ADGRL3: variants seen among roughly 807,000 people sequenced by gnomAD.
ADGRL3 encodes the protein calcium-independent alpha-latrotoxin receptor 3.
A neutral mutation model predicts 153.5 loss-of-function variants in ADGRL3; 62 were observed. The observed-to-expected ratio is 0.40, with a 90% CI of 0.33 to 0.50. The LOEUF (loss-of-function observed/expected upper bound fraction) is 0.50. ADGRL3 is among the 20% of genes least tolerant of loss of function. ADGRL3 has a pLI of 0.47. For synonymous variants in ADGRL3, 710 were observed against 672.5 expected (o/e 1.06, Z -0.86); for missense variants, 1,641 against 1,859.4 (o/e 0.88, Z 2.16).
chr4:61,581,756 C>T (rs963606864), intron 4 of ADGRL3, among the ~76,000 whole-genome samples: 15 of 152,160 alleles, frequency 9.9e-5, no homozygotes, highest in African/African-American at 3.6e-4. Flanking sequence ...TAAAATCTAA[C>T]CATTTGCTTA....
intron 11 of ADGRL3, among the ~76,000 whole-genome samples, chr4:61,903,592 G>A (rs572995540): frequency 1.5e-5 from 2 of 135,294 alleles, no homozygotes; most frequent in East Asian, 4.8e-4. Context: ...CTTGAGGCCA[G>A]GAGTTCAAGG....
At chr4:61,379,412 A>C in intron 1 of ADGRL3, among the ~76,000 whole-genome samples, 1 of 152,040 alleles carries the variant, frequency 6.6e-6, no homozygotes, top group East Asian at 1.9e-4. Flanking sequence ...CCTAATATGT[A>C]ACTGTCTAGT....
intron 8 of ADGRL3, among the ~76,000 whole-genome samples, chr4:61,757,947 A>G (rs142145356): frequency 0.011 from 1,640 of 152,252 alleles, 38 homozygotes; most frequent in African/African-American, 0.037. Flanking sequence ...GAGTTTCTTA[A>G]TCCTGAGTTC....
chr4:61,725,500 C>T (rs899935582), intron 6 of ADGRL3, among the ~76,000 whole-genome samples: 3 of 150,306 alleles, frequency 2.0e-5, no homozygotes, highest in Admixed American at 6.7e-5. Flanking sequence ...GAGGCTGAGG[C>T]AGGAGAATGG....
intron 25 of ADGRL3, among the ~76,000 whole-genome samples, chr4:62,048,591 C>T (rs778309179): frequency 2.1e-4 from 32 of 152,122 alleles, no homozygotes; most frequent in Non-Finnish European, 3.2e-4. Flanking sequence ...GGGTCTCCCT[C>T]TGTCACCCTG....
chr4:61,690,390 A>G (rs543512902), intron 6 of ADGRL3, among the ~76,000 whole-genome samples: 74 of 152,134 alleles, frequency 4.9e-4, no homozygotes, highest in Non-Finnish European at 9.6e-4. Context: ...TTGCAGTGTC[A>G]TACCACTGCA....
chr4:61,340,154 A>ATT (rs2095776593), intron 1 of ADGRL3, among the ~76,000 whole-genome samples: 1 of 152,174 alleles, frequency 6.6e-6, no homozygotes, highest in Non-Finnish European at 1.5e-5. Context: ...TAGACAGGAC[A>ATT]TGCATCAGAG....
At chr4:62,023,042 TTGAAAAC>T (rs1231099175) in intron 21 of ADGRL3, among the ~76,000 whole-genome samples, 4 of 88,334 alleles carry the variant, frequency 4.5e-5, no homozygotes, top group Admixed American at 3.8e-4. Context: ...AAATTGAAAA[TTGAAAAC>T]CTTCTGGAAA....
At chr4:61,262,632 T>A (rs1278397146) in intron 1 of ADGRL3, among the ~76,000 whole-genome samples, 1 of 152,110 alleles carries the variant, frequency 6.6e-6, no homozygotes, top group African/African-American at 2.4e-5. Flanking sequence ...TCCTTTTATC[T>A]TAATCGTATT....
intron 23 of ADGRL3, among the ~76,000 whole-genome samples, chr4:62,037,529 C>T (rs535604650): frequency 6.6e-6 from 1 of 151,960 alleles, no homozygotes; most frequent in Admixed American, 6.6e-5. Context: ...TTTTAAAAGG[C>T]TCCAGTTAGG....
chr4:61,662,132 A>C (rs2094614148), intron 5 of ADGRL3, among the ~76,000 whole-genome samples: 1 of 152,298 alleles, frequency 6.6e-6, no homozygotes, highest in Non-Finnish European at 1.5e-5. Context: ...CGGAAGTCCC[A>C]TTCCCTTCTG....
At chr4:61,743,760 C>G (rs1310566076) in intron 8 of ADGRL3, among the ~76,000 whole-genome samples, 3 of 152,160 alleles carry the variant, frequency 2.0e-5, no homozygotes, top group East Asian at 3.9e-4. Flanking sequence ...AACAGCTCCG[C>G]TCTACAGCTC....
chr4:61,640,913 T>C (rs982119756), intron 5 of ADGRL3, among the ~76,000 whole-genome samples: 10 of 152,210 alleles, frequency 6.6e-5, no homozygotes, highest in African/African-American at 2.2e-4. Flanking sequence ...ATTCTTCTAA[T>C]ACTCAGTTTG....
Position 62,059,412 on chromosome 4 carries a change from T to C in ADGRL3, c.3815-8754T>C, listed in dbSNP as rs552436381. On this transcript the variant is annotated intron_variant, in intron 25 of 26. Coordinates refer to ENST00000683033, the MANE Select transcript of ADGRL3 (RefSeq NM_001387552.1). ...ATAACCCTCCATTTGTAGAGTTAAT[T>C]TCAGAAACAATAATTACATTGATTT... 2.0e-5 allele frequency among the ~76,000 whole-genome samples: 3 copies of C among 152,198 alleles called. No homozygotes were observed. In the South Asian group the frequency reaches 6.2e-4, roughly 32 times the overall value.
At chr4:61,868,627 CT>C (rs2098417195) in intron 9 of ADGRL3, among the ~76,000 whole-genome samples, 1 of 152,124 alleles carries the variant, frequency 6.6e-6, no homozygotes, top group Non-Finnish European at 1.5e-5. Flanking sequence ...CTAAACTTGC[CT>C]TTCTTTTTTT....
intron 4 of ADGRL3, among the ~76,000 whole-genome samples, chr4:61,543,753 A>G (rs1232570428): frequency 2.0e-5 from 3 of 152,246 alleles, no homozygotes; most frequent in South Asian, 4.1e-4. Flanking sequence ...GCATAAATGC[A>G]TAGGTGGTGG....
At chr4:61,351,158 G>T (rs2096040045) in intron 1 of ADGRL3, among the ~76,000 whole-genome samples, 2 of 152,186 alleles carry the variant, frequency 1.3e-5, no homozygotes, top group African/African-American at 4.8e-5. Context: ...CAGTGGTTTG[G>T]ATAGAAAATC....
At chr4:61,328,020 G>A (rs73825112) in intron 1 of ADGRL3, among the ~76,000 whole-genome samples, 4,936 of 152,234 alleles carry the variant, frequency 0.032, 162 homozygotes, top group African/African-American at 0.08. Flanking sequence ...AATGGAGCAT[G>A]AGTTAGAGGA....
At chr4:61,697,334 G>A (rs1019130493) in intron 6 of ADGRL3, among the ~76,000 whole-genome samples, 3 of 152,022 alleles carry the variant, frequency 2.0e-5, no homozygotes, top group African/African-American at 7.3e-5. Flanking sequence ...GCTGAAGTAG[G>A]TGGATCCCCT....
Sources: gnomAD v4.1 joint callset for allele counts (sites outside exome capture counted in the v4.1 genomes callset) on GRCh38, gnomAD v4.1.1 for gene constraint, MANE v1.5 for transcripts, NCBI Gene and HGNC (gene_info 2026-07-23, HGNC 2026-07-21) for gene names.